LARGE1: variants seen among roughly 807,000 people sequenced by gnomAD.
LARGE1 encodes LARGE xylosyl- and glucuronyltransferase 1, also known as xylosyl- and glucuronyltransferase LARGE1.
A neutral mutation model predicts 87.6 loss-of-function variants in LARGE1; 43 were observed. The ratio of observed to expected loss-of-function variants is 0.49; its 90% CI spans 0.38 to 0.63. The LOEUF is 0.63. Ranked by LOEUF, LARGE1 falls within the 30% of genes least tolerant of loss-of-function variation. LARGE1 has a pLI of 0.00. For missense variants in LARGE1, 802 were observed against 1,000.2 expected (o/e 0.80, Z 2.67); for synonymous variants, 434 against 394.6 (o/e 1.10, Z -1.18).
chr22:33,758,298 C>A (rs1008501), intron 2 of LARGE1, among the ~76,000 whole-genome samples: 1 of 152,148 alleles, frequency 6.6e-6, no homozygotes, highest in African/African-American at 2.4e-5. Context: ...CAGATTTGAA[C>A]GGGCACTGTC....
chr22:33,438,026 G>C (rs1449143336), intron 6 of LARGE1, among the ~76,000 whole-genome samples: 1 of 151,898 alleles, frequency 6.6e-6, no homozygotes, highest in African/African-American at 2.4e-5. Context: ...TCCAATAAGG[G>C]TTCTGTCGGG....
chr22:33,821,864 G>A (rs189066772), intron 1 of LARGE1, among the ~76,000 whole-genome samples: 1 of 151,054 alleles, frequency 6.6e-6, no homozygotes, highest in Non-Finnish European at 1.5e-5. Context: ...GCCTGCCCAA[G>A]TGCATTAAAA....
intron 9 of LARGE1, among the ~76,000 whole-genome samples, chr22:33,370,854 T>C (rs946805006): frequency 2.0e-5 from 3 of 149,234 alleles, no homozygotes; most frequent in Non-Finnish European, 4.5e-5. Flanking sequence ...GATATTAATA[T>C]TAATAAATTA....
At chr22:33,477,250 C>A (rs1314577057) in intron 6 of LARGE1, among the ~76,000 whole-genome samples, 1 of 152,176 alleles carries the variant, frequency 6.6e-6, no homozygotes, top group Non-Finnish European at 1.5e-5. Context: ...TTACAGGCTG[C>A]AGCAAAAGCA....
intron 5 of LARGE1, among the ~76,000 whole-genome samples, chr22:33,585,521 TG>T (rs1195119356): frequency 2.0e-5 from 3 of 152,102 alleles, no homozygotes; most frequent in Non-Finnish European, 4.4e-5. Flanking sequence ...AGAGTGCATA[TG>T]AGAATAAGGT....
intron 6 of LARGE1, among the ~76,000 whole-genome samples, chr22:33,450,454 A>C (rs2067864524): frequency 6.6e-6 from 1 of 151,400 alleles, no homozygotes; most frequent in Non-Finnish European, 1.5e-5. Context: ...ATACAAAAAA[A>C]AAAAAAAAAT....
chr22:33,671,099 A>G (rs567253585), intron 2 of LARGE1, among the ~76,000 whole-genome samples: 1 of 152,312 alleles, frequency 6.6e-6, no homozygotes, highest in Admixed American at 6.5e-5. Context: ...AAAATGCTGG[A>G]AAGACAAGTG....
intron 2 of LARGE1, 80 bp from the exon 3 acceptor site, chr22:33,650,748 A>C: frequency 6.6e-7 from 1 of 1,510,026 alleles, no homozygotes; most frequent in Non-Finnish European, 9.0e-7. Flanking sequence ...GACATCCCTT[A>C]CTACATGGCG....
intron 11 of LARGE1, among the ~76,000 whole-genome samples, chr22:33,237,025 C>G (rs566301860): frequency 6.6e-6 from 1 of 152,202 alleles, no homozygotes; most frequent in African/African-American, 2.4e-5. Context: ...AGATCATCAG[C>G]GTGGTTAGAA....
chr22:33,853,594 G>A (rs2063672340), intron 1 of LARGE1, among the ~76,000 whole-genome samples: 1 of 152,188 alleles, frequency 6.6e-6, no homozygotes, highest in African/African-American at 2.4e-5. Flanking sequence ...GATACATGTG[G>A]CCTACATAAC....
intron 6 of LARGE1, among the ~76,000 whole-genome samples, chr22:33,514,927 T>C (rs1210159409): frequency 1.3e-5 from 2 of 152,136 alleles, no homozygotes; most frequent in African/African-American, 4.8e-5. Flanking sequence ...CACACAGCAC[T>C]GTGTGAACAG....
chr22:33,516,836 G>A (rs995760311), intron 6 of LARGE1, among the ~76,000 whole-genome samples: 2 of 151,916 alleles, frequency 1.3e-5, no homozygotes, highest in Admixed American at 6.6e-5. Flanking sequence ...CGCCCACCTC[G>A]GCCTCCCAAA....
the LARGE1 span, among the ~76,000 whole-genome samples, chr22:33,156,714 G>A: frequency 6.6e-6 from 1 of 152,152 alleles, no homozygotes; most frequent in African/African-American, 2.4e-5. Context: ...ATATTGGGAA[G>A]GCATGATTGG....
At chr22:33,447,970 T>C (rs112161767) in intron 6 of LARGE1, among the ~76,000 whole-genome samples, 5,349 of 152,210 alleles carry the variant, frequency 0.035, 130 homozygotes, top group East Asian at 0.11. Context: ...AAGGGAAAGA[T>C]GCCAGACACA....
chr22:33,284,391 C>G (rs2145907566), intron 12 of LARGE1, among the ~76,000 whole-genome samples: 1 of 152,318 alleles, frequency 6.6e-6, no homozygotes, highest in South Asian at 2.1e-4. Context: ...TGAGACAGAG[C>G]TCTGGTATCT....
At chr22:33,094,062 A>G in the LARGE1 span, among the ~76,000 whole-genome samples, 137 of 151,954 alleles carry the variant, frequency 9.0e-4, no homozygotes, top group African/African-American at 3.1e-3. Context: ...ATTCTAAGGC[A>G]ATTTGTAAAG....
At chr22:33,088,714 A>G in the LARGE1 span, among the ~76,000 whole-genome samples, 9 of 152,010 alleles carry the variant, frequency 5.9e-5, no homozygotes, top group Non-Finnish European at 1.3e-4. Context: ...TAGGAGTGGA[A>G]CTTAATAGTT....
Position 33,259,319 on chromosome 22 carries a change from AACACACACAC to A in LARGE1, c.1730+44900_1730+44909del, listed in dbSNP as rs3071499. On this transcript the variant is annotated intron_variant, in intron 11 of 11. Transcript: ENST00000608642. ...ACTATCCACGAGAAATCCAAAGGGC[AACACACACAC>A]ACACACACACACACACACAAACACA... 8.3e-5 allele frequency among the ~76,000 whole-genome samples: 12 copies of A among 145,290 alleles called. No homozygotes were observed. In the South Asian group the frequency reaches 1.1e-3, roughly 14 times the overall value.
At chr22:33,793,799 T>TC (rs397965126) in intron 1 of LARGE1, among the ~76,000 whole-genome samples, 1 of 151,896 alleles carries the variant, frequency 6.6e-6, no homozygotes, top group Non-Finnish European at 1.5e-5. Flanking sequence ...TTTTTTTTTT[T>TC]CATAAGAATC....
Sources: allele counts gnomAD v4.1 joint callset (sites outside exome capture counted in the v4.1 genomes callset), GRCh38; gene constraint gnomAD v4.1.1; transcripts MANE v1.5; gene names NCBI Gene and HGNC (gene_info 2026-07-23, HGNC 2026-07-21).